The following BCL2L11 variants were observed in gnomAD, a reference collection of about 807,000 sequenced individuals.
BCL2L11 encodes BCL2 like 11, also known as bcl-2-like protein 11.
In BCL2L11, 15 loss-of-function variants were observed where a neutral mutation model predicts 20.6. The observed-to-expected ratio is 0.73, with a 90% confidence interval of 0.49 to 1.12. The LOEUF is 1.12. Among genes scored for constraint, BCL2L11 ranks in the 50% most tolerant of loss-of-function variants. The probability of loss-of-function intolerance (pLI) is 0.00; values close to 1 mark genes in which losing one functional copy is unlikely to be tolerated. For synonymous variants in BCL2L11, 108 were observed against 92.8 expected, an observed-to-expected ratio of 1.16 and a Z score of -0.94; for missense variants, 292 against 260.9, an observed-to-expected ratio of 1.12 and a Z score of -0.82.
At chr2:111,122,606 G>C (rs1255274671) in intron 1 of BCL2L11, 17 of 983,686 alleles carry the variant, frequency 1.7e-5, no homozygotes, top group African/African-American at 5.3e-5. Context: ...CGGCGGTGCC[G>C]GCGGCGGCGG....
chr2:111,141,350 T>A (rs529269046), intron 2 of BCL2L11, among the ~76,000 whole-genome samples: 10 of 151,754 alleles, frequency 6.6e-5, no homozygotes, highest in African/African-American at 2.4e-4. Flanking sequence ...AATGATGAGT[T>A]CATGTCCTTT....
At chr2:111,125,317 G>A (rs1233092521) in intron 2 of BCL2L11, among the ~76,000 whole-genome samples, 1 of 152,192 alleles carries the variant, frequency 6.6e-6, no homozygotes, top group Admixed American at 6.5e-5. Context: ...GGGTAACCTT[G>A]GTGAGGGGCT....
chr2:111,158,394 A>T (rs150252590), intron 3 of BCL2L11, among the ~76,000 whole-genome samples: 122 of 152,274 alleles, frequency 8.0e-4, no homozygotes, highest in African/African-American at 2.7e-3. Flanking sequence ...CTGGATGTCC[A>T]TCCCAGGCCC....
At chr2:111,161,520 C>CA in intron 3 of BCL2L11, 3 of 1,549,102 alleles carry the variant, frequency 1.9e-6, no homozygotes, top group Non-Finnish European at 2.6e-6. Flanking sequence ...GGAAGACGGT[C>CA]AAGGCATGGC....
Position 111,164,315 on chromosome 2 carries a change from C to A in BCL2L11, c.*84C>A. 2 of 993,644 alleles carry A rather than the reference C, an allele frequency of 2.0e-6. No individual in the cohort carries two copies. The highest frequency in any genetic ancestry group is 1.3e-5 in the South Asian group (1 of 77,554). 61.6% of individuals were successfully genotyped at this position (993,644 alleles called of 1,614,324 possible). On this transcript the variant is annotated 3_prime_UTR_variant, in exon 4 of 4. Coordinates refer to ENST00000393256, the MANE Select transcript of BCL2L11 (RefSeq NM_138621.5). Reference sequence around the variant, plus strand: ...ACCCAGCACCGCGGTCTCCTGGTGCCATTATTATGCAGCCAGCGGTTCTCT... The same window carrying A: ...ACCCAGCACCGCGGTCTCCTGGTGCAATTATTATGCAGCCAGCGGTTCTCT...
chr2:111,130,048 G>A (rs2073586442), intron 2 of BCL2L11: 1 of 358,442 alleles, frequency 2.8e-6, no homozygotes. Flanking sequence ...TTCTGGCAAG[G>A]CCCTGGCACA....
chr2:111,146,266 A>G lies in BCL2L11; in HGVS notation c.395-3778A>G, dbSNP rs1009566991. 2.0e-5 allele frequency: 19 copies of G among 970,328 alleles called. No individual in the cohort carries two copies. The Admixed American group carries it at 2.5e-4, about 13-fold the overall frequency. 60.1% of individuals were successfully genotyped at this position (970,328 alleles called of 1,614,324 possible). A position where few individuals can be genotyped will look rare whatever the true frequency, so the allele number is the denominator to read the frequency against. ...CTACAGAGTAAGAGCTTTCATTTCA[A>G]ATAAAACCATTTTATAGACCAGGTA... On this transcript the variant is annotated intron_variant, in intron 2 of 3. Coordinates refer to ENST00000393256, the MANE Select transcript of BCL2L11 (RefSeq NM_138621.5).
intron 3 of BCL2L11, among the ~76,000 whole-genome samples, chr2:111,151,451 T>C (rs2077247465): frequency 6.6e-6 from 1 of 152,242 alleles, no homozygotes; most frequent in African/African-American, 2.4e-5. Context: ...CCCTTCTCTT[T>C]TAGCTCTTTT....
intron 3 of BCL2L11, among the ~76,000 whole-genome samples, chr2:111,154,696 A>G (rs771267131): frequency 7.2e-5 from 11 of 152,222 alleles, no homozygotes; most frequent in Admixed American, 6.5e-5. Context: ...TCTTGGATCA[A>G]AGATCTTCCA....
At chr2:111,137,636 T>C (rs1047703403) in intron 2 of BCL2L11, among the ~76,000 whole-genome samples, 5 of 142,760 alleles carry the variant, frequency 3.5e-5, no homozygotes, top group African/African-American at 1.4e-4. Flanking sequence ...CTCCCCACTT[T>C]TTTTTTTTTT....
intron 2 of BCL2L11, chr2:111,142,482 C>T: frequency 3.1e-6 from 3 of 967,238 alleles, no homozygotes; most frequent in South Asian, 1.4e-5. Context: ...TATGTCTTAG[C>T]CCTACAGTGT....
At chr2:111,122,663 G>T (rs932591257) in intron 1 of BCL2L11, 3 of 983,698 alleles carry the variant, frequency 3.0e-6, no homozygotes, top group African/African-American at 1.8e-5. Flanking sequence ...GGATGTTCCC[G>T]GCGGCTGCGG....
At chr2:111,160,221 G>A (rs2078388268) in intron 3 of BCL2L11, among the ~76,000 whole-genome samples, 1 of 152,194 alleles carries the variant, frequency 6.6e-6, no homozygotes, top group South Asian at 2.1e-4. Context: ...CTTGATGTGG[G>A]GATTCACCCT....
intron 3 of BCL2L11, among the ~76,000 whole-genome samples, chr2:111,160,549 C>T (rs2078431420): frequency 6.6e-6 from 1 of 152,146 alleles, no homozygotes; most frequent in African/African-American, 2.4e-5. Context: ...ATGGGATGGC[C>T]ACAAAAGGCA....
intron 3 of BCL2L11, among the ~76,000 whole-genome samples, chr2:111,152,477 G>C (rs932703090): frequency 6.6e-6 from 1 of 152,236 alleles, no homozygotes; most frequent in African/African-American, 2.4e-5. Context: ...CAATATGAAT[G>C]CATGACTCCA....
At chr2:111,121,630 G>T (rs1345368049) in intron 1 of BCL2L11, among the ~76,000 whole-genome samples, 4 of 152,200 alleles carry the variant, frequency 2.6e-5, no homozygotes, top group Non-Finnish European at 5.9e-5. Flanking sequence ...TCGTGTCTTG[G>T]TTTTTTGGGG....
In BCL2L11 at chr2:111,145,920, CTTTTTTTT is replaced by C. The variant is rs58738963; in HGVS notation, c.395-4111_395-4104del. 199 of 733,682 alleles carry C rather than the reference CTTTTTTTT, an allele frequency of 2.7e-4. 1 individual carries two copies. The highest frequency in any genetic ancestry group is 2.5e-3 in the Admixed American group (32 of 13,014). 45.4% of individuals were successfully genotyped at this position (733,682 alleles called of 1,614,324 possible). On this transcript the variant is annotated intron_variant, in intron 2 of 3. Coordinates refer to ENST00000393256, the MANE Select transcript of BCL2L11 (RefSeq NM_138621.5). ...TATAAAAGTTTTGATTAGTGGCTTT[CTTTTTTTT>C]TTTTTTTTTTTTGTAACAAGTAAAG...
At chr2:111,127,715 A>G (rs2072980902) in intron 2 of BCL2L11, among the ~76,000 whole-genome samples, 1 of 152,124 alleles carries the variant, frequency 6.6e-6, no homozygotes, top group Non-Finnish European at 1.5e-5. Flanking sequence ...TTTGCCACGT[A>G]GTGGTGACAG....
At chr2:111,144,870 G>A (rs553647984) in intron 2 of BCL2L11, among the ~76,000 whole-genome samples, 1 of 152,224 alleles carries the variant, frequency 6.6e-6, no homozygotes, top group Non-Finnish European at 1.5e-5. Flanking sequence ...GCCCTGCAAT[G>A]TCTGAAGGAC....
Sources: gnomAD v4.1 joint callset for allele counts (sites outside exome capture counted in the v4.1 genomes callset) on GRCh38, gnomAD v4.1.1 for gene constraint, MANE v1.5 for transcripts, NCBI Gene and HGNC (gene_info 2026-07-23, HGNC 2026-07-21) for gene names.